The following ALDH1B1 variants were observed in gnomAD, a reference collection of about 807,000 sequenced individuals.
ALDH1B1 encodes the protein aldehyde dehydrogenase family 1 member B1, mitochondrial.
In ALDH1B1, 19 loss-of-function variants were observed where a neutral mutation model predicts 26.2. That is an observed-to-expected ratio of 0.72 (90% CI 0.51 to 1.06). The LOEUF (loss-of-function observed/expected upper bound fraction) is 1.06. ALDH1B1 is among the 50% of genes least tolerant of loss of function. The pLI, the probability that ALDH1B1 is intolerant of heterozygous loss-of-function variation, is 0.00. For missense variants in ALDH1B1, 671 were observed against 683.1 expected, an observed-to-expected ratio of 0.98 and a Z score of 0.20; for synonymous variants, 249 against 286.0, an observed-to-expected ratio of 0.87 and a Z score of 1.31.
In ALDH1B1 at chr9:38,398,225, C is replaced by T. The variant is rs75307558; in HGVS notation, c.*923C>T. On this transcript the variant is annotated 3_prime_UTR_variant, in exon 2 of 2. Transcript: ENST00000377698. Reference sequence around the variant, plus strand: ...GTTTTGAAAATGTTCTGGAGTTGAACAATAGTAATGGTTGCATGATTTGGT... The same window carrying T: ...GTTTTGAAAATGTTCTGGAGTTGAATAATAGTAATGGTTGCATGATTTGGT... The T allele has an allele frequency of 7.5e-3, 1,251 of 165,804 alleles. 11 individuals are homozygous for T. The highest frequency in any genetic ancestry group is 0.032 in the South Asian group (152 of 4,766). 10.3% of individuals were successfully genotyped at this position (165,804 alleles called of 1,614,324 possible).
Position 38,397,132 on chromosome 9 carries a change from GCACTC to G in ALDH1B1, c.1387_1391del (p.Leu463GlyfsTer22), listed in dbSNP as rs757102442. The G allele has an allele frequency of 6.2e-7, 1 of 1,614,194 alleles. No individual in the cohort carries two copies. The highest frequency in any genetic ancestry group is 8.5e-7 in the Non-Finnish European group (1 of 1,180,034). ...GGACAAGGCCATGTACTTCACCCAGGCACTCCAGGCCGGGACCGTGTGGGTAAACA... is the reference window on the plus strand; with the variant it reads ...GGACAAGGCCATGTACTTCACCCAGGCAGGCCGGGACCGTGTGGGTAAACA... On this transcript the variant is annotated frameshift_variant, in exon 2 of 2. Transcript: ENST00000377698. LOFTEE classifies it high-confidence loss of function.
rs1821309577 is a variant in ALDH1B1 at position 38,397,090 on chromosome 9, G to A, written c.1342G>A (p.Val448Met). 1 of 1,614,098 alleles carries A rather than the reference G, an allele frequency of 6.2e-7. No individual in the cohort carries two copies. Among genetic ancestry groups the A allele is most frequent in the Admixed American group, 1.7e-5 (1 of 60,010 alleles). Residue 448 changes from valine (V) to methionine (M), a missense_variant, in exon 2 of 2, where the codon GTG (valine) becomes ATG (methionine). Transcript: ENST00000377698. ...CACCAGGTATGGCCTGGCTGCGGCT[G>A]TGTTCACCCGGGATCTGGACAAGGC... Reference protein sequence around the residue: ...NNTRYGLAAAVFTRDLDKAMY... With the variant: ...NNTRYGLAAAMFTRDLDKAMY...
In ALDH1B1 at chr9:38,397,395, T is replaced by A; in HGVS notation, c.*93T>A. The A allele has an allele frequency of 1.4e-6, 2 of 1,432,214 alleles. No homozygotes were observed. Among genetic ancestry groups the A allele is most frequent in the Non-Finnish European group, 1.9e-6 (2 of 1,079,784 alleles). The allele number at this position is 1,432,214 out of a possible 1,614,324, so 88.7% of individuals were successfully genotyped here. A position where few individuals can be genotyped will look rare whatever the true frequency, so the allele number is the denominator to read the frequency against. The stretch of plus-strand genomic sequence containing the variant: ...AGCTGTTTTAAAGCCAAGAACACCC[T>A]TTCTTTGTTCCAAATTAACTCTTAG... On this transcript the variant is annotated 3_prime_UTR_variant, in exon 2 of 2. Transcript: ENST00000377698.
At chr9:38,393,876 C>T (rs371795449) in intron 1 of ALDH1B1, among the ~76,000 whole-genome samples, 1 of 151,472 alleles carries the variant, frequency 6.6e-6, no homozygotes, top group Non-Finnish European at 1.5e-5. Flanking sequence ...CCAGGCATGC[C>T]ACAGTACCAA....
rs1192755316 is a variant in ALDH1B1, at chr9:38,397,412, A to G, written c.*110A>G. The stretch of plus-strand genomic sequence containing the variant: ...GAACACCCTTTCTTTGTTCCAAATT[A>G]ACTCTTAGAAGAAACCCCACAAATA... On this transcript the variant is annotated 3_prime_UTR_variant, in exon 2 of 2. Coordinates refer to ENST00000377698, the MANE Select transcript of ALDH1B1 (RefSeq NM_000692.5). 1 of 1,381,446 alleles carries G rather than the reference A, an allele frequency of 7.2e-7. No homozygotes were observed. Among genetic ancestry groups the G allele is most frequent in the East Asian group, 2.5e-5 (1 of 39,848 alleles). The allele number at this position is 1,381,446 out of a possible 1,614,324, so 85.6% of individuals were successfully genotyped here. A position where few individuals can be genotyped will look rare whatever the true frequency, so the allele number is the denominator to read the frequency against.
rs769834866 is a variant in ALDH1B1, at chr9:38,396,488, C to T, written c.740C>T (p.Ala247Val). 4.3e-6 allele frequency: 7 copies of T among 1,613,840 alleles called. No homozygotes were observed. The highest frequency in any genetic ancestry group is 4.5e-5 in the East Asian group (2 of 44,868). The change falls in exon 2 of 2, where the codon GCG (alanine) becomes GTG (valine). Residue 247 changes from alanine (A) to valine (V), a missense_variant. Physicochemically the swap from Ala to Val is moderately conservative, Grantham distance 64 (BLOSUM62 0). Coordinates refer to ENST00000377698, the MANE Select transcript of ALDH1B1 (RefSeq NM_000692.5). ...ACGGGGTATGGCCCAACAGCAGGTG[C>T]GGCCATCGCCCAGCACGTGGATGTT... ...IITGYGPTAG[A>V]AIAQHVDVDK...
chr9:38,396,222 C>T lies in ALDH1B1; in HGVS notation c.474C>T (p.Gly158=). 1 of 1,614,182 alleles carries T rather than the reference C, an allele frequency of 6.2e-7. No homozygotes were observed. Among genetic ancestry groups the T allele is most frequent in the South Asian group, 1.1e-5 (1 of 91,080 alleles). ...CTGGCTGGGCTGACAAGTGGCATGG[C>T]AAGACCATCCCCATGGATGGCCAGC... ...YFAGWADKWH[G]KTIPMDGQHF... Residue 158 remains glycine (G), a synonymous_variant, in exon 2 of 2, where the codon GGC becomes GGT. Coordinates refer to ENST00000377698, the MANE Select transcript of ALDH1B1 (RefSeq NM_000692.5).
chr9:38,394,673 G>C, intron 1 of ALDH1B1: 1 of 984,778 alleles, frequency 1.0e-6, no homozygotes, highest in Non-Finnish European at 1.2e-6. Flanking sequence ...GGGGTGGAGG[G>C]TGAGAGGCTG....
rs746866232 is a variant in ALDH1B1, at chr9:38,396,726, C to T, written c.978C>T (p.Phe326=). Reference sequence around the variant, plus strand: ...GCTGCTGTGCTGGCTCCCGGACCTTCGTGGAAGAATCCATCTACAATGAGT... The same window carrying T: ...GCTGCTGTGCTGGCTCCCGGACCTTTGTGGAAGAATCCATCTACAATGAGT... ...GQCCCAGSRT[F]VEESIYNEFL... Residue 326 remains phenylalanine, a synonymous_variant, in exon 2 of 2, where the codon TTC becomes TTT. Coordinates refer to ENST00000377698, the MANE Select transcript of ALDH1B1 (RefSeq NM_000692.5). 5 of 1,614,192 alleles carry T rather than the reference C, an allele frequency of 3.1e-6. No homozygotes were observed. The highest frequency in any genetic ancestry group is 2.2e-5 in the South Asian group (2 of 91,084).
At chr9:38,394,666 G>T (rs1014833682) in intron 1 of ALDH1B1, 6 of 985,058 alleles carry the variant, frequency 6.1e-6, no homozygotes, top group Middle Eastern at 1.0e-3. Context: ...CTGCCCAGGG[G>T]TGGAGGGTGA....
chr9:38,394,613 A>AC (rs1303546568), intron 1 of ALDH1B1: 2 of 985,334 alleles, frequency 2.0e-6, no homozygotes, highest in Non-Finnish European at 1.2e-6. Context: ...CCGGGGACCT[A>AC]CATGGAGCCT....
At chr9:38,393,321 C>G (rs1821223408) in intron 1 of ALDH1B1, among the ~76,000 whole-genome samples, 1 of 152,308 alleles carries the variant, frequency 6.6e-6, no homozygotes, top group East Asian at 1.9e-4. Flanking sequence ...TCTCTGATGC[C>G]CAGCCTTCTT....
chr9:38,394,849 C>T (rs539849702), intron 1 of ALDH1B1, among the ~76,000 whole-genome samples: 69 of 152,252 alleles, frequency 4.5e-4, no homozygotes, highest in Middle Eastern at 6.8e-3. Context: ...TATTATATGC[C>T]GTTTAAGTTT....
intron 1 of ALDH1B1, among the ~76,000 whole-genome samples, chr9:38,394,774 A>G (rs1821247061): frequency 6.6e-6 from 1 of 152,214 alleles, no homozygotes; most frequent in South Asian, 2.1e-4. Flanking sequence ...TCAAATTCTG[A>G]CTGAAGAATA....
rs756342967 is a variant in ALDH1B1, at chr9:38,396,917, G to A, written c.1169G>A (p.Arg390His). ...GCAAAACTCCTCTGTGGCGGAGAGC[G>A]TTTCGGGGAGCGTGGTTTCTTCATC... ...EGAKLLCGGERFGERGFFIKP... is the reference protein window; with the variant it reads ...EGAKLLCGGEHFGERGFFIKP... The change falls in exon 2 of 2, where the codon CGT becomes CAT. Residue 390 changes from arginine (R) to histidine (H), a missense_variant. By Grantham distance (29) the Arg-to-His change is conservative (BLOSUM62 0). Coordinates refer to ENST00000377698, the MANE Select transcript of ALDH1B1 (RefSeq NM_000692.5). The A allele has an allele frequency of 2.4e-5, 39 of 1,614,094 alleles. No individual in the cohort carries two copies. In the East Asian group the frequency reaches 2.5e-4, roughly 10 times the overall value.
In ALDH1B1 at chr9:38,396,830, A is replaced by C. The variant is rs762225520; in HGVS notation, c.1082A>C (p.Gln361Pro). 1.2e-6 allele frequency: 2 copies of C among 1,614,240 alleles called. No homozygotes were observed. Among genetic ancestry groups the C allele is most frequent in the Non-Finnish European group, 1.7e-6 (2 of 1,180,042 alleles). ...GAGCTGGACACCCAGCAGGGGCCTC[A>C]GGTGGACAAGGAGCAGTTTGAACGA... ...PFELDTQQGP[Q>P]VDKEQFERVL... The change falls in exon 2 of 2, where the codon CAG becomes CCG. Residue 361 changes from glutamine to proline, a missense_variant. Coordinates refer to ENST00000377698, the MANE Select transcript of ALDH1B1 (RefSeq NM_000692.5).
At position 38,396,877 on chromosome 9, in the gene ALDH1B1, G is replaced by A. The variant is rs761522923; in HGVS notation, c.1129G>A (p.Gly377Ser). The A allele has an allele frequency of 3.7e-6, 6 of 1,614,110 alleles. 1 individual carries two copies. In the Admixed American group the frequency reaches 5.0e-5, roughly 13 times the overall value. ...FERVLGYIQL[G>S]QKEGAKLLCG... ...ACGAGTCCTAGGCTACATCCAGCTT[G>A]GCCAGAAGGAGGGCGCAAAACTCCT... The change falls in exon 2 of 2, where the codon GGC becomes AGC. Residue 377 changes from glycine (G) to serine (S), a missense_variant. Physicochemically the swap from Gly to Ser is moderately conservative, Grantham distance 56 (BLOSUM62 0). Transcript: ENST00000377698.
chr9:38,396,684 C>G lies in ALDH1B1; in HGVS notation c.936C>G (p.Phe312Leu). The G allele has an allele frequency of 1.2e-6, 2 of 1,614,204 alleles. No homozygotes were observed. The highest frequency in any genetic ancestry group is 4.5e-5 in the East Asian group (2 of 44,870). ...HAVEQCHEALFFNMGQCCCAG... is the reference protein window; with the variant it reads ...HAVEQCHEALLFNMGQCCCAG... ...TGGAGCAGTGCCACGAAGCCCTGTT[C>G]TTCAACATGGGCCAGTGCTGCTGTG... The change falls in exon 2 of 2, where the codon TTC becomes TTG. Residue 312 changes from phenylalanine (F) to leucine (L), a missense_variant. Phe to Leu is a conservative substitution (Grantham distance 22). Transcript: ENST00000377698.
rs554947716 is a variant in ALDH1B1, at chr9:38,396,776, CA to C, written c.1031del (p.Lys344SerfsTer28). Reference protein sequence around the residue: ...NEFLERTVEKAKQRKVGNPFE... With the variant: ...NEFLERTVEKXKQRKVGNPFE... ...TTTCTCGAGAGAACCGTGGAGAAAG[CA>C]AAGCAGAGGAAAGTGGGGAACCCCT... On this transcript the variant is annotated frameshift_variant, in exon 2 of 2. Transcript: ENST00000377698. LOFTEE classifies it high-confidence loss of function. 201 of 1,614,182 alleles carry C rather than the reference CA, an allele frequency of 1.2e-4. No individual in the cohort carries two copies. The African/African-American group carries it at 2.5e-3, about 20-fold the overall frequency.
Sources: gnomAD v4.1 joint callset for allele counts (sites outside exome capture counted in the v4.1 genomes callset) on GRCh38, gnomAD v4.1.1 for gene constraint, MANE v1.5 for transcripts, NCBI Gene and HGNC (gene_info 2026-07-23, HGNC 2026-07-21) for gene names.